Variants in PIK3R6 observed in about 807,000 individuals in gnomAD.
PIK3R6 encodes phosphoinositide 3-kinase regulatory subunit 6.
PIK3R6 carries 91 observed loss-of-function variants against 84.9 expected under a neutral mutation model. That is an observed-to-expected ratio of 1.07 (90% CI 0.90 to 1.28). PIK3R6 has a LOEUF of 1.28. Among genes scored for constraint, PIK3R6 ranks in the 50% most tolerant of loss-of-function variants. The pLI, the probability that PIK3R6 is intolerant of heterozygous loss-of-function variation, is 0.00. For missense variants in PIK3R6, 996 were observed against 985.1 expected, an observed-to-expected ratio of 1.01 and a Z score of -0.15; for synonymous variants, 416 against 411.4, an observed-to-expected ratio of 1.01 and a Z score of -0.13.
At chr17:8,854,616 T>A (rs1481738212) in intron 1 of PIK3R6, among the ~76,000 whole-genome samples, 1 of 152,198 alleles carries the variant, frequency 6.6e-6, no homozygotes, top group Non-Finnish European at 1.5e-5. Context: ...TTTCAACAAA[T>A]GGTGATGGAA....
rs546566720 is a variant in PIK3R6, at chr17:8,849,869, T to C, written c.-75A>G. 1.8e-5 allele frequency: 28 copies of C among 1,574,430 alleles called. No homozygotes were observed. The South Asian group carries it at 3.1e-4, about 18-fold the overall frequency. ...GAATAGAGAACAAGGTGGTTGCTTTTCTGCACAGAGGTGGTTCTGCAAAAT... is the reference window on the plus strand; with the variant it reads ...GAATAGAGAACAAGGTGGTTGCTTTCCTGCACAGAGGTGGTTCTGCAAAAT... On this transcript the variant is annotated 5_prime_UTR_variant, in exon 2 of 20. Transcript: ENST00000619866.
chr17:8,814,486 T>C (rs1597380328), intron 18 of PIK3R6, among the ~76,000 whole-genome samples: 1 of 151,864 alleles, frequency 6.6e-6, no homozygotes, highest in Non-Finnish European at 1.5e-5. Flanking sequence ...CCAAAGTGCT[T>C]GGATTATAGG....
chr17:8,860,922 C>T (rs549765937), intron 1 of PIK3R6, among the ~76,000 whole-genome samples: 5 of 82 alleles, frequency 0.061, no homozygotes, highest in East Asian at 0.5. Flanking sequence ...AGACACGGGC[C>T]GGGCACGGTC....
At chr17:8,811,907 C>G (rs1417535483) in intron 18 of PIK3R6, among the ~76,000 whole-genome samples, 1 of 148,112 alleles carries the variant, frequency 6.8e-6, no homozygotes, top group African/African-American at 2.5e-5. Flanking sequence ...ATCTTTTCAG[C>G]AGCACCCCAT....
intron 13 of PIK3R6, among the ~76,000 whole-genome samples, chr17:8,823,821 G>A (rs994187356): frequency 6.6e-6 from 1 of 152,206 alleles, no homozygotes; most frequent in Non-Finnish European, 1.5e-5. Flanking sequence ...CCCAGGAGTG[G>A]GTTCTAGGCT....
intron 14 of PIK3R6, 34 bp from the exon 15 acceptor site, chr17:8,823,120 T>A (rs1224922041): frequency 6.7e-7 from 1 of 1,482,650 alleles, no homozygotes; most frequent in East Asian, 2.3e-5. Flanking sequence ...CATTTCCTGG[T>A]GTGATTTCCA....
In PIK3R6 at chr17:8,803,849, T is replaced by A; in HGVS notation, c.2108+192A>T. The stretch of plus-strand genomic sequence containing the variant: ...CTGCTGCCCTGGGTATGCCATTCAT[T>A]TGCCTCGACTTCCTGGATCCAAAGC... On this transcript the variant is annotated intron_variant, in intron 19 of 19. Transcript: ENST00000619866. This position sits in a 1 kb window ranked among gnomAD's most constrained non-coding sequence, Gnocchi z 5.0. 1.6e-6 allele frequency: 1 copy of A among 606,280 alleles called. No individual in the cohort carries two copies. Among genetic ancestry groups the A allele is most frequent in the Non-Finnish European group, 2.9e-6 (1 of 340,340 alleles). 37.6% of individuals were successfully genotyped at this position (606,280 alleles called of 1,614,324 possible). A position where few individuals can be genotyped will look rare whatever the true frequency, so the allele number is the denominator to read the frequency against.
chr17:8,863,834 A>G (rs1307078658), intron 1 of PIK3R6, among the ~76,000 whole-genome samples: 1 of 152,160 alleles, frequency 6.6e-6, no homozygotes, highest in Non-Finnish European at 1.5e-5. Context: ...GCGCCCGGCC[A>G]GTTTCCAAAA....
chr17:8,854,731 A>G lies in PIK3R6; in HGVS notation c.-91-4846T>C, dbSNP rs9910396. 7.9e-3 allele frequency among the ~76,000 whole-genome samples: 1,202 copies of G among 152,368 alleles called. 19 individuals carry two copies. The highest frequency in any genetic ancestry group is 0.028 in the African/African-American group (1,150 of 41,580). On this transcript the variant is annotated intron_variant, in intron 1 of 19. Coordinates refer to ENST00000619866, the MANE Select transcript of PIK3R6 (RefSeq NM_001010855.4). ...GGACATAGATTTGAATGTAAAATTC[A>G]AAACAATAAACTTTTAGAAGAAAGC...
At chr17:8,834,232 C>T (rs894714843) in intron 8 of PIK3R6, among the ~76,000 whole-genome samples, 2 of 150,476 alleles carry the variant, frequency 1.3e-5, no homozygotes, top group Non-Finnish European at 2.9e-5. Flanking sequence ...GAGTAGCCAG[C>T]GCAAAGGCCC....
chr17:8,850,226 A>T (rs1200055547), intron 1 of PIK3R6, among the ~76,000 whole-genome samples: 3 of 151,504 alleles, frequency 2.0e-5, no homozygotes, highest in African/African-American at 7.3e-5. Flanking sequence ...AATCGCCTGA[A>T]CCTGGGAGGC....
At chr17:8,823,152 C>T in intron 14 of PIK3R6, 66 bp from the exon 15 acceptor site, 1 of 1,263,604 alleles carries the variant, frequency 7.9e-7, no homozygotes. Flanking sequence ...CCCTGATTTC[C>T]AGGGATCCAG....
chr17:8,854,617 G>C (rs2151305912), intron 1 of PIK3R6, among the ~76,000 whole-genome samples: 1 of 152,156 alleles, frequency 6.6e-6, no homozygotes, highest in East Asian at 1.9e-4. Flanking sequence ...TTCAACAAAT[G>C]GTGATGGAAC....
At chr17:8,859,501 G>A (rs10445298) in intron 1 of PIK3R6, among the ~76,000 whole-genome samples, 1 of 152,056 alleles carries the variant, frequency 6.6e-6, no homozygotes, top group Non-Finnish European at 1.5e-5. Context: ...CCAGATGGCT[G>A]GTGAAGCATT....
chr17:8,835,885 C>T lies in PIK3R6; in HGVS notation c.462-429G>A, dbSNP rs565833682. ...TTATCACACCAGAGAGCCAACCTCC[C>T]CTACTCCCTCCTCCTCACCCACTGT... On this transcript the variant is annotated intron_variant, in intron 7 of 19. Coordinates refer to ENST00000619866, the MANE Select transcript of PIK3R6 (RefSeq NM_001010855.4). 5.9e-5 allele frequency among the ~76,000 whole-genome samples: 9 copies of T among 152,238 alleles called. No individual in the cohort carries two copies. The South Asian group carries it at 1.7e-3, about 28-fold the overall frequency.
At chr17:8,858,310 C>CTTTTTTTTTT (rs752142944) in intron 1 of PIK3R6, among the ~76,000 whole-genome samples, 1 of 95,512 alleles carries the variant, frequency 1.0e-5, no homozygotes, top group Non-Finnish European at 2.0e-5. Context: ...CTCAATTAAT[C>CTTTTTTTTTT]TTTTTTTTTT....
Position 8,803,432 on chromosome 17 carries a change from G to A in PIK3R6, c.2109-3C>T. The stretch of plus-strand genomic sequence containing the variant: ...CTGGGCAGGGAGCAACCTCGAATCT[G>A]TGGGTGGAGAGAGACCAGCTCAGGT... On this transcript the variant is annotated splice_polypyrimidine_tract_variant and splice_region_variant and intron_variant, in intron 19 of 19. Transcript: ENST00000619866. The surrounding 1 kb of genome is among the most constrained non-coding windows in gnomAD (Gnocchi z 5.0). 2 of 1,598,844 alleles carry A rather than the reference G, an allele frequency of 1.3e-6. No homozygotes were observed. Among genetic ancestry groups the A allele is most frequent in the Admixed American group, 3.4e-5 (2 of 58,086 alleles).
chr17:8,823,852 G>A (rs906032988), intron 13 of PIK3R6, among the ~76,000 whole-genome samples: 4 of 152,172 alleles, frequency 2.6e-5, no homozygotes, highest in Non-Finnish European at 5.9e-5. Flanking sequence ...ACTTGCCATT[G>A]GCCAAGCAGG....
At chr17:8,843,021 C>G (rs772351955) in intron 2 of PIK3R6, among the ~76,000 whole-genome samples, 1 of 152,208 alleles carries the variant, frequency 6.6e-6, no homozygotes, top group Admixed American at 6.5e-5. Flanking sequence ...GAAGCCCCCA[C>G]TTGGCAAGGC....
Sources: gnomAD v4.1 joint callset for allele counts (sites outside exome capture counted in the v4.1 genomes callset) on GRCh38, gnomAD v4.1.1 for gene constraint, Gnocchi (gnomAD v3.1) non-coding constraint, MANE v1.5 for transcripts, NCBI Gene and HGNC (gene_info 2026-07-23, HGNC 2026-07-21) for gene names.